Variants in PIK3C2G observed in about 807,000 individuals in gnomAD.
PIK3C2G encodes phosphatidylinositol-4-phosphate 3-kinase catalytic subunit type 2 gamma.
A neutral mutation model predicts 181.1 loss-of-function variants in PIK3C2G; 168 were observed. That is an observed-to-expected ratio of 0.93 (90% CI 0.82 to 1.05). The LOEUF (loss-of-function observed/expected upper bound fraction) is 1.05. PIK3C2G is among the 50% of genes least tolerant of loss of function. The pLI is 0.00. For missense variants in PIK3C2G, 1,869 were observed against 1,732.8 expected (o/e 1.08, Z -1.40); for synonymous variants, 573 against 592.2 (o/e 0.97, Z 0.47).
At chr12:18,488,993 C>T (rs1029353356) in intron 19 of PIK3C2G, among the ~76,000 whole-genome samples, 35 of 151,984 alleles carry the variant, frequency 2.3e-4, no homozygotes, top group African/African-American at 8.2e-4. Context: ...TTTGTCGTTG[C>T]TCAGCAAAGG....
intron 28 of PIK3C2G, among the ~76,000 whole-genome samples, chr12:18,565,938 C>A (rs1375400060): frequency 6.6e-6 from 1 of 152,118 alleles, no homozygotes; most frequent in East Asian, 1.9e-4. Context: ...GAATATAGAT[C>A]TATCTCTCTA....
intron 29 of PIK3C2G, among the ~76,000 whole-genome samples, chr12:18,568,425 T>A (rs1439260495): frequency 6.6e-6 from 1 of 151,522 alleles, no homozygotes; most frequent in African/African-American, 2.4e-5. Context: ...TGTGTGTGTG[T>A]GAGACAGAGA....
intron 24 of PIK3C2G, among the ~76,000 whole-genome samples, chr12:18,517,337 T>C (rs371723586): frequency 2.0e-4 from 31 of 151,862 alleles, no homozygotes; most frequent in Admixed American, 5.9e-4. Flanking sequence ...CAGAAATTAA[T>C]ACGATATTGA....
chr12:18,356,317 C>T (rs1940723287), intron 11 of PIK3C2G, among the ~76,000 whole-genome samples: 1 of 152,098 alleles, frequency 6.6e-6, no homozygotes, highest in Non-Finnish European at 1.5e-5. Flanking sequence ...AAGGGGTTGG[C>T]TCATTTACTC....
chr12:18,324,267 C>T (rs950516065), intron 7 of PIK3C2G, among the ~76,000 whole-genome samples: 1 of 151,894 alleles, frequency 6.6e-6, no homozygotes, highest in Non-Finnish European at 1.5e-5. Context: ...TATTATTTTC[C>T]TCCCCTTTCA....
chr12:18,618,019 G>C (rs1010615945), intron 31 of PIK3C2G, among the ~76,000 whole-genome samples: 7 of 152,000 alleles, frequency 4.6e-5, no homozygotes, highest in African/African-American at 1.7e-4. Flanking sequence ...AACTATATAA[G>C]ACACCTTAAT....
the PIK3C2G span, among the ~76,000 whole-genome samples, chr12:18,690,472 A>T: frequency 6.6e-6 from 1 of 151,974 alleles, no homozygotes; most frequent in Non-Finnish European, 1.5e-5. Flanking sequence ...TAATCTGCCC[A>T]CCTCAGCCTC....
intron 7 of PIK3C2G, among the ~76,000 whole-genome samples, chr12:18,323,757 G>C (rs1490176462): frequency 6.6e-6 from 1 of 152,140 alleles, no homozygotes; most frequent in Non-Finnish European, 1.5e-5. Context: ...CAAGGGCTTT[G>C]ATTTCAGCCC....
chr12:18,357,672 C>T (rs1391105896), intron 11 of PIK3C2G, among the ~76,000 whole-genome samples: 1 of 152,128 alleles, frequency 6.6e-6, no homozygotes, highest in East Asian at 1.9e-4. Context: ...GAAATCTACC[C>T]TACTAAAAAA....
intron 18 of PIK3C2G, among the ~76,000 whole-genome samples, chr12:18,435,844 C>T (rs1946414231): frequency 6.6e-6 from 1 of 151,886 alleles, no homozygotes; most frequent in East Asian, 1.9e-4. Context: ...ATGTCTCTGA[C>T]CTTGGCTCCC....
At chr12:18,446,459 C>T (rs960833446) in intron 18 of PIK3C2G, among the ~76,000 whole-genome samples, 6 of 152,258 alleles carry the variant, frequency 3.9e-5, no homozygotes, top group African/African-American at 1.2e-4. Context: ...CCTTCATGGC[C>T]GCTGACTCAT....
intron 31 of PIK3C2G, among the ~76,000 whole-genome samples, chr12:18,613,982 A>C (rs750815044): frequency 2.6e-5 from 4 of 152,126 alleles, no homozygotes; most frequent in South Asian, 2.1e-4. Flanking sequence ...CATGTTCTGC[A>C]TATCTTTTTA....
downstream of PIK3C2G, among the ~76,000 whole-genome samples, chr12:18,652,943 G>A (rs921992232): frequency 6.6e-6 from 1 of 151,536 alleles, no homozygotes; most frequent in African/African-American, 2.4e-5. Context: ...CAGAGAGAGA[G>A]AGAGAAAGAG....
At chr12:18,525,165 T>C (rs1943152454) in intron 24 of PIK3C2G, among the ~76,000 whole-genome samples, 1 of 151,836 alleles carries the variant, frequency 6.6e-6, no homozygotes, top group African/African-American at 2.4e-5. Context: ...CCAAGGCAGG[T>C]GGATCACCTG....
chr12:18,633,381 T>C (rs754537374), intron 31 of PIK3C2G, among the ~76,000 whole-genome samples: 24 of 152,218 alleles, frequency 1.6e-4, no homozygotes, highest in Non-Finnish European at 2.9e-4. Flanking sequence ...ATACTTAAAA[T>C]AGTCATCTCT....
At chr12:18,719,555 C>T in the PIK3C2G span, 2 of 1,602,478 alleles carry the variant, frequency 1.2e-6, no homozygotes, top group Non-Finnish European at 1.7e-6. Flanking sequence ...TTTCTACATT[C>T]ATTTTTAAAC....
At chr12:18,495,336 AAGT>A (rs1940917533) in intron 20 of PIK3C2G, among the ~76,000 whole-genome samples, 1 of 152,140 alleles carries the variant, frequency 6.6e-6, no homozygotes, top group Non-Finnish European at 1.5e-5. Context: ...GTAGAGTGAA[AAGT>A]AGTCAACATC....
chr12:18,383,834 C>T (rs1000457797), intron 14 of PIK3C2G, among the ~76,000 whole-genome samples: 1 of 151,332 alleles, frequency 6.6e-6, no homozygotes, highest in African/African-American at 2.4e-5. Context: ...GACAGAGGCT[C>T]ACTCTGTCAC....
At chr12:18,491,619 G>T in intron 20 of PIK3C2G, 61 bp downstream of exon 20, 1 of 925,648 alleles carries the variant, frequency 1.1e-6, no homozygotes, top group Admixed American at 2.3e-5. Context: ...TTAGTTCATT[G>T]TATATGTTTG....
Sources: allele counts gnomAD v4.1 joint callset (sites outside exome capture counted in the v4.1 genomes callset), GRCh38; gene constraint gnomAD v4.1.1; transcripts MANE v1.5; gene names NCBI Gene and HGNC (gene_info 2026-07-23, HGNC 2026-07-21).